Variants in EIF2D observed in about 807,000 individuals in gnomAD.
The protein encoded by EIF2D is eukaryotic translation initiation factor 2D, also known as hepatocellular carcinoma-associated antigen 56.
In EIF2D, 56 loss-of-function variants were observed where a neutral mutation model predicts 77.4. The ratio of observed to expected loss-of-function variants is 0.72; its 90% CI spans 0.58 to 0.90. The LOEUF is 0.90. EIF2D is among the 40% of genes least tolerant of loss of function. The probability of loss-of-function intolerance (pLI) is 0.00; values close to 1 mark genes in which losing one functional copy is unlikely to be tolerated. For missense variants in EIF2D, 574 were observed against 706.5 expected, an observed-to-expected ratio of 0.81 and a Z score of 2.13; for synonymous variants, 230 against 271.0, an observed-to-expected ratio of 0.85 and a Z score of 1.49.
chr1:206,574,550 AC>A (rs1400938146), intron 4 of EIF2D, among the ~76,000 whole-genome samples: 1 of 152,018 alleles, frequency 6.6e-6, no homozygotes, highest in Non-Finnish European at 1.5e-5. Context: ...CTGTTAATAC[AC>A]CCTACCAGAG....
chr1:206,601,220 G>A (rs1669904134), intron 7 of EIF2D: 1 of 152,166 alleles, frequency 6.6e-6, no homozygotes, highest in Non-Finnish European at 1.5e-5. Context: ...GTATAAATGG[G>A]AAGACATTAC....
chr1:206,602,050 C>A, intron 7 of EIF2D: 1 of 354,796 alleles, frequency 2.8e-6, no homozygotes, highest in Admixed American at 4.3e-5. Context: ...GCCCAGAACC[C>A]CCACGGCAGA....
At chr1:206,585,079 T>C in intron 2 of EIF2D, 1 of 801,314 alleles carries the variant, frequency 1.2e-6, no homozygotes, top group East Asian at 2.4e-5. Context: ...CTACTTCCAG[T>C]TGTACGTACC....
rs782224380 is a variant in EIF2D, at chr1:206,612,384, G to T, written c.-42C>A. On this transcript the variant is annotated 5_prime_UTR_variant, in exon 1 of 15. Transcript: ENST00000271764. ...TGGGGAAGAGAGCACAGAAGCCAGG[G>T]AATGTCAAGAAAGCGAGGGCGCAGC... 2 of 1,613,548 alleles carry T rather than the reference G, an allele frequency of 1.2e-6. No homozygotes were observed. The highest frequency in any genetic ancestry group is 2.2e-5 in the South Asian group (2 of 91,070).
intron 4 of EIF2D, among the ~76,000 whole-genome samples, chr1:206,574,423 TTCAG>T (rs1668559660): frequency 6.6e-6 from 1 of 152,222 alleles, no homozygotes; most frequent in Non-Finnish European, 1.5e-5. Flanking sequence ...AGGCAGTTCA[TTCAG>T]TTACTACTGG....
chr1:206,600,545 A>G lies in EIF2D; in HGVS notation c.903-237T>C, dbSNP rs1237932766. On this transcript the variant is annotated intron_variant, in intron 7 of 14. Transcript: ENST00000271764. ...ACGTGGAATGTTCTCTGTGTTGTCT[A>G]ACAGGGCAGCCATTAGCCACATGTG... 10 of 459,502 alleles carry G rather than the reference A, an allele frequency of 2.2e-5. No homozygotes were observed. The South Asian group carries it at 3.6e-4, about 17-fold the overall frequency. The allele number at this position is 459,502 out of a possible 1,614,324, so 28.5% of individuals were successfully genotyped here.
At chr1:206,593,516 T>TGTGCGTGTGTGTGTGG (rs1553409387) in intron 14 of EIF2D, 103 bp downstream of exon 14, 1 of 701,562 alleles carries the variant, frequency 1.4e-6, no homozygotes, top group African/African-American at 1.8e-5. Context: ...AGAGTGTGTG[T>TGTGCGTGTGTGTGTGG]GTGTGTGTGT....
At chr1:206,604,399 C>G (rs541060811) in intron 5 of EIF2D, among the ~76,000 whole-genome samples, 1 of 150,994 alleles carries the variant, frequency 6.6e-6, no homozygotes, top group African/African-American at 2.4e-5. Context: ...GCTGAGATTG[C>G]GCCACTGCAC....
intron 5 of EIF2D, 112 bp from the exon 6 acceptor site, chr1:206,603,316 G>C (rs1670023016): frequency 6.9e-7 from 1 of 1,444,022 alleles, no homozygotes; most frequent in Admixed American, 2.3e-5. Context: ...ACAGGCAGGA[G>C]TGGCCAGGAG....
intron 14 of EIF2D, 107 bp downstream of exon 14, chr1:206,593,512 T>G: frequency 2.0e-6 from 1 of 506,338 alleles, no homozygotes; most frequent in East Asian, 3.9e-5. Flanking sequence ...AGAGAGAGTG[T>G]GTGTGTGTGT....
chr1:206,605,556 G>A (rs184148518), intron 4 of EIF2D, 49 bp from the exon 5 acceptor site: 3 of 1,489,518 alleles, frequency 2.0e-6, no homozygotes, highest in East Asian at 2.3e-5. Flanking sequence ...TCTATGGGAA[G>A]GGCACATGTT....
At position 206,592,791 on chromosome 1, in the gene EIF2D, C is replaced by T. The variant is rs782377097; in HGVS notation, c.1684+828G>A. 2.0e-5 allele frequency among the ~76,000 whole-genome samples: 3 copies of T among 152,090 alleles called. No individual in the cohort carries two copies. The highest frequency in any genetic ancestry group is 2.0e-4 in the Admixed American group (3 of 15,272). On this transcript the variant is annotated intron_variant, in intron 14 of 14. Coordinates refer to ENST00000271764, the MANE Select transcript of EIF2D (RefSeq NM_006893.3). The surrounding 1 kb of genome is among the most constrained non-coding windows in gnomAD (Gnocchi z 4.7). ...AGGAAAAACGGGAGGCTGGGTTACC[C>T]AGAGTTAGTAGAAAGAACTTAGGCT...
chr1:206,584,828 C>A lies in EIF2D; in HGVS notation c.139-3666G>T. The A allele has an allele frequency of 2.3e-6, 2 of 851,734 alleles. No homozygotes were observed. Among genetic ancestry groups the A allele is most frequent in the South Asian group, 1.7e-5 (1 of 58,070 alleles). The allele number at this position is 851,734 out of a possible 1,614,324, so 52.8% of individuals were successfully genotyped here. On this transcript the variant is annotated intron_variant and NMD_transcript_variant, in intron 2 of 5. Coordinates refer to the EIF2D transcript ENST00000472709. The surrounding 1 kb of genome is among the most constrained non-coding windows in gnomAD (Gnocchi z 4.9). ...CCAGCTGCCCATGTGGTGTTCAGAT[C>A]TGTGGAATCCGGGCAGGGAGGCAAG...
rs781941149 is a variant in EIF2D, at chr1:206,591,794, T to G, written c.1736A>C (p.Lys579Thr). The G allele has an allele frequency of 6.2e-7, 1 of 1,614,242 alleles. No homozygotes were observed. The highest frequency in any genetic ancestry group is 1.1e-5 in the South Asian group (1 of 91,090). The change falls in exon 15 of 15, where the codon AAA becomes ACA. Residue 579 changes from lysine (K) to threonine (T), a missense_variant. Transcript: ENST00000271764. ...KHIQGLEKAL[K>T]PGKKK The stretch of plus-strand genomic sequence containing the variant: ...AGTCTGTCACTTCTTCTTGCCAGGT[T>G]TGAGGGCCTTTTCTAGACCTTGGAT...
downstream of EIF2D, among the ~76,000 whole-genome samples, chr1:206,569,780 G>C (rs1457139751): frequency 1.3e-5 from 2 of 152,284 alleles, no homozygotes; most frequent in African/African-American, 4.8e-5. Flanking sequence ...AGGCATGCCC[G>C]CTACGACTGC....
At chr1:206,612,211 G>T (rs1416393994) in intron 1 of EIF2D, 76 bp downstream of exon 1, 1 of 1,596,760 alleles carries the variant, frequency 6.3e-7, no homozygotes, top group Non-Finnish European at 8.6e-7. Context: ...GCCAAGAATA[G>T]CGAGGGCTAT....
intron 7 of EIF2D, 47 bp downstream of exon 7, chr1:206,602,289 G>A (rs368369867): frequency 9.4e-5 from 143 of 1,514,406 alleles, no homozygotes; most frequent in Non-Finnish European, 1.1e-4. Context: ...AGGAGCACAC[G>A]TGAGACCCCG....
At chr1:206,586,658 G>A, downstream of EIF2D, 1 of 627,828 alleles carries the variant, frequency 1.6e-6, no homozygotes. Flanking sequence ...TGCTATGACA[G>A]GCATGCAAAG....
chr1:206,602,601 G>C (rs1289788379), intron 6 of EIF2D, 148 bp from the exon 7 acceptor site: 1 of 718,288 alleles, frequency 1.4e-6, no homozygotes, highest in Non-Finnish European at 2.4e-6. Context: ...CCTCTCTTGA[G>C]CACTGAGCCT....
Sources: gnomAD v4.1 joint callset for allele counts (sites outside exome capture counted in the v4.1 genomes callset) on GRCh38, gnomAD v4.1.1 for gene constraint, Gnocchi (gnomAD v3.1) non-coding constraint, MANE v1.5 for transcripts, NCBI Gene and HGNC (gene_info 2026-07-23, HGNC 2026-07-21) for gene names.